The following STC1 variants were observed in gnomAD, a reference collection of about 807,000 sequenced individuals.
STC1 encodes the protein stanniocalcin 1, also known as stanniocalcin-1.
A neutral mutation model predicts 22.6 loss-of-function variants in STC1; 7 were observed. The ratio of observed to expected loss-of-function variants is 0.31; its 90% CI spans 0.18 to 0.58. STC1 has a LOEUF of 0.58. Among genes scored for constraint, STC1 ranks in the 20% least tolerant of loss-of-function variants. The pLI, the probability that STC1 is intolerant of heterozygous loss-of-function variation, is 0.89. For synonymous variants in STC1, 113 were observed against 120.7 expected, an observed-to-expected ratio of 0.94 and a Z score of 0.42; for missense variants, 224 against 311.0, an observed-to-expected ratio of 0.72 and a Z score of 2.10.
At position 23,844,436 on chromosome 8, in the gene STC1, T is replaced by A. The variant is rs565129234; in HGVS notation, c.*334A>T. The A allele has an allele frequency of 1.1e-4, 35 of 332,190 alleles. No homozygotes were observed. Among genetic ancestry groups the A allele is most frequent in the South Asian group, 2.0e-4 (5 of 24,580 alleles). 20.6% of individuals were successfully genotyped at this position (332,190 alleles called of 1,614,324 possible). A position where few individuals can be genotyped will look rare whatever the true frequency, so the allele number is the denominator to read the frequency against. On this transcript the variant is annotated 3_prime_UTR_variant, in exon 4 of 4. Transcript: ENST00000290271. ...TTCTAAAGGGATCCACATCTTCAAA[T>A]TACAATGGCTGGAGAGTTACATGAA...
intron 3 of STC1, among the ~76,000 whole-genome samples, chr8:23,847,214 T>G (rs888237931): frequency 6.6e-6 from 1 of 152,244 alleles, no homozygotes; most frequent in Non-Finnish European, 1.5e-5. Flanking sequence ...AGAAGTCTAG[T>G]ACCCTTAAGG....
intron 3 of STC1, among the ~76,000 whole-genome samples, chr8:23,850,023 C>T (rs1206490930): frequency 6.6e-6 from 1 of 152,192 alleles, no homozygotes; most frequent in Non-Finnish European, 1.5e-5. Context: ...TTTAGAACCC[C>T]ATGATAAAGT....
chr8:23,850,518 C>T (rs569003969), intron 3 of STC1, among the ~76,000 whole-genome samples: 7 of 152,282 alleles, frequency 4.6e-5, no homozygotes, highest in Non-Finnish European at 7.4e-5. Context: ...CCTTTCCAGG[C>T]CACGCACATG....
chr8:23,849,371 G>C (rs1802609819), intron 3 of STC1, among the ~76,000 whole-genome samples: 1 of 152,142 alleles, frequency 6.6e-6, no homozygotes, highest in Non-Finnish European at 1.5e-5. Context: ...TTTGGAGAAA[G>C]GTTGCATGGA....
At chr8:23,846,355 G>A (rs960044113) in intron 3 of STC1, among the ~76,000 whole-genome samples, 5 of 152,088 alleles carry the variant, frequency 3.3e-5, no homozygotes, top group Admixed American at 2.0e-4. Flanking sequence ...TTTTGTAGTC[G>A]CAGTTGAGTT....
At chr8:23,853,731 C>A (rs938322064) in intron 1 of STC1, among the ~76,000 whole-genome samples, 1 of 152,114 alleles carries the variant, frequency 6.6e-6, no homozygotes, top group African/African-American at 2.4e-5. Flanking sequence ...GAAAGTGAGA[C>A]CTTACCCTTG....
At position 23,844,716 on chromosome 8, in the gene STC1, C is replaced by T. The variant is rs1186589033; in HGVS notation, c.*54G>A. On this transcript the variant is annotated 3_prime_UTR_variant, in exon 4 of 4. Coordinates refer to ENST00000290271, the MANE Select transcript of STC1 (RefSeq NM_003155.3). ...CACAGTACACTCAAAACTGGTGTGT[C>T]AACACCCCTAAAATGATACTAGTTT... The T allele has an allele frequency of 1.5e-5, 24 of 1,588,826 alleles. No individual in the cohort carries two copies. The highest frequency in any genetic ancestry group is 1.9e-5 in the Non-Finnish European group (22 of 1,162,240).
chr8:23,854,575 C>G lies in STC1; in HGVS notation c.-52G>C, dbSNP rs758823512. 7.1e-7 allele frequency: 1 copy of G among 1,401,548 alleles called. No individual in the cohort carries two copies. Among genetic ancestry groups the G allele is most frequent in the Admixed American group, 1.7e-5 (1 of 59,480 alleles). 86.8% of individuals were successfully genotyped at this position (1,401,548 alleles called of 1,614,324 possible). The stretch of plus-strand genomic sequence containing the variant: ...TGGGTTTTTTTTTTTTCCTGCCCCC[C>G]TTTCCTCTTTCCCTCTCCTGGCTTG... On this transcript the variant is annotated 5_prime_UTR_variant, in exon 1 of 4. Transcript: ENST00000290271.
chr8:23,843,629 C>A lies in STC1; in HGVS notation c.*1141G>T, dbSNP rs1802540085. Reference sequence around the variant, plus strand: ...CTTATCACACTGTAAGTGGTCCAAGCCCATAGGGATGCTCTTTTTGGTTCC... The same window carrying A: ...CTTATCACACTGTAAGTGGTCCAAGACCATAGGGATGCTCTTTTTGGTTCC... On this transcript the variant is annotated 3_prime_UTR_variant, in exon 4 of 4. Transcript: ENST00000290271. 2.6e-5 allele frequency: 4 copies of A among 152,634 alleles called. No homozygotes were observed. Among genetic ancestry groups the A allele is most frequent in the Non-Finnish European group, 5.9e-5 (4 of 68,054 alleles). 9.5% of individuals were successfully genotyped at this position (152,634 alleles called of 1,614,324 possible).
Position 23,851,549 on chromosome 8 carries a change from C to A in STC1, c.262-18G>T. 1 of 1,613,050 alleles carries A rather than the reference C, an allele frequency of 6.2e-7. No individual in the cohort carries two copies. The highest frequency in any genetic ancestry group is 1.1e-5 in the South Asian group (1 of 90,930). On this transcript the variant is annotated intron_variant, in intron 2 of 3. Transcript: ENST00000290271. ...GCTTTTCCCTGCCATGGAGGAAGGACAAGAGGGAGGTCTTTAGCTTGACCT... is the reference window on the plus strand; with the variant it reads ...GCTTTTCCCTGCCATGGAGGAAGGAAAAGAGGGAGGTCTTTAGCTTGACCT...
chr8:23,854,637 G>A lies in STC1; in HGVS notation c.-114C>T. 1 of 956,910 alleles carries A rather than the reference G, an allele frequency of 1.0e-6. No individual in the cohort carries two copies. The highest frequency in any genetic ancestry group is 1.3e-5 in the South Asian group (1 of 76,428). 59.3% of individuals were successfully genotyped at this position (956,910 alleles called of 1,614,324 possible). ...GGATCTGGATACACTGAAAGCTTAG[G>A]TGAGGATTTGATGAGGATTTTTTTT... On this transcript the variant is annotated 5_prime_UTR_variant, in exon 1 of 4. Coordinates refer to ENST00000290271, the MANE Select transcript of STC1 (RefSeq NM_003155.3).
intron 3 of STC1, 145 bp downstream of exon 3, chr8:23,851,175 A>T (rs1802633443): frequency 2.6e-6 from 2 of 783,602 alleles, no homozygotes; most frequent in Middle Eastern, 3.6e-4. Flanking sequence ...TCACAAACAT[A>T]TTTTTTTCCT....
Position 23,854,574 on chromosome 8 carries a change from C to A in STC1, c.-51G>T, listed in dbSNP as rs935987415. 5 of 1,440,112 alleles carry A rather than the reference C, an allele frequency of 3.5e-6. No homozygotes were observed. In the South Asian group the frequency reaches 4.6e-5, roughly 13 times the overall value. 89.2% of individuals were successfully genotyped at this position (1,440,112 alleles called of 1,614,324 possible). The stretch of plus-strand genomic sequence containing the variant: ...TTGGGTTTTTTTTTTTTCCTGCCCC[C>A]CTTTCCTCTTTCCCTCTCCTGGCTT... On this transcript the variant is annotated 5_prime_UTR_variant, in exon 1 of 4. Coordinates refer to ENST00000290271, the MANE Select transcript of STC1 (RefSeq NM_003155.3).
At chr8:23,854,271 C>T in intron 1 of STC1, 135 bp downstream of exon 1, 1 of 964,818 alleles carries the variant, frequency 1.0e-6, no homozygotes, top group Non-Finnish European at 1.6e-6. Context: ...TATTGGATTA[C>T]ACTGGCAGTT....
Position 23,844,591 on chromosome 8 carries a change from A to G in STC1, c.*179T>C. 2.8e-6 allele frequency: 2 copies of G among 703,218 alleles called. No homozygotes were observed. Among genetic ancestry groups the G allele is most frequent in the Non-Finnish European group, 4.6e-6 (2 of 434,742 alleles). The allele number at this position is 703,218 out of a possible 1,614,324, so 43.6% of individuals were successfully genotyped here. A position where few individuals can be genotyped will look rare whatever the true frequency, so the allele number is the denominator to read the frequency against. The stretch of plus-strand genomic sequence containing the variant: ...GGATTTTGTTGGTGGGAATGCTGCC[A>G]TTGCAGAATGTTGGGATATTGATTA... On this transcript the variant is annotated 3_prime_UTR_variant, in exon 4 of 4. Coordinates refer to ENST00000290271, the MANE Select transcript of STC1 (RefSeq NM_003155.3).
chr8:23,852,524 G>T, intron 1 of STC1, 140 bp from the exon 2 acceptor site: 1 of 847,694 alleles, frequency 1.2e-6, no homozygotes, highest in African/African-American at 1.7e-5. Flanking sequence ...GCAATTGATA[G>T]ACCCATTTGA....
At position 23,854,577 on chromosome 8, in the gene STC1, T is replaced by C. The variant is rs1802677002; in HGVS notation, c.-54A>G. Reference sequence around the variant, plus strand: ...GGTTTTTTTTTTTTCCTGCCCCCCTTTCCTCTTTCCCTCTCCTGGCTTGAG... The same window carrying C: ...GGTTTTTTTTTTTTCCTGCCCCCCTCTCCTCTTTCCCTCTCCTGGCTTGAG... On this transcript the variant is annotated 5_prime_UTR_variant, in exon 1 of 4. Transcript: ENST00000290271. 7.1e-6 allele frequency: 10 copies of C among 1,407,980 alleles called. No individual in the cohort carries two copies. The highest frequency in any genetic ancestry group is 1.0e-5 in the Non-Finnish European group (10 of 993,134). The allele number at this position is 1,407,980 out of a possible 1,614,324, so 87.2% of individuals were successfully genotyped here. A position where few individuals can be genotyped will look rare whatever the true frequency, so the allele number is the denominator to read the frequency against.
chr8:23,848,658 T>C lies in STC1; in HGVS notation c.473+2662A>G, dbSNP rs955458395. On this transcript the variant is annotated intron_variant, in intron 3 of 3. Coordinates refer to ENST00000290271, the MANE Select transcript of STC1 (RefSeq NM_003155.3). ...CTGATCACCCAGCCCGAAAGGACCT[T>C]TTTAATTATGTTTCTTTTTTCTCAC... is the stretch of plus-strand genomic sequence containing the variant. Among the ~76,000 whole-genome samples, 9 of 152,004 alleles carry C rather than the reference T, an allele frequency of 5.9e-5. 1 individual carries two copies. Among genetic ancestry groups the C allele is most frequent in the Admixed American group, 5.9e-4 (9 of 15,252 alleles).
Position 23,854,776 on chromosome 8 carries a change from C to G in STC1, c.-253G>C. 1.7e-6 allele frequency: 1 copy of G among 592,008 alleles called. No individual in the cohort carries two copies. Among genetic ancestry groups the G allele is most frequent in the African/African-American group, 1.9e-5 (1 of 53,686 alleles). The allele number at this position is 592,008 out of a possible 1,614,324, so 36.7% of individuals were successfully genotyped here. On this transcript the variant is annotated 5_prime_UTR_variant, in exon 1 of 4. Coordinates refer to ENST00000290271, the MANE Select transcript of STC1 (RefSeq NM_003155.3). ...GCTGCTGCTGCTGCTGCTGCAGTCGCTGCTTCTTGCACCTCTGGCTTTTGC... is the reference window on the plus strand; with the variant it reads ...GCTGCTGCTGCTGCTGCTGCAGTCGGTGCTTCTTGCACCTCTGGCTTTTGC...
Sources: gnomAD v4.1 joint callset for allele counts (sites outside exome capture counted in the v4.1 genomes callset) on GRCh38, gnomAD v4.1.1 for gene constraint, MANE v1.5 for transcripts, NCBI Gene and HGNC (gene_info 2026-07-23, HGNC 2026-07-21) for gene names.